The following ELMO1 variants were observed in gnomAD, a reference collection of about 807,000 sequenced individuals.
The protein encoded by ELMO1 is engulfment and cell motility protein 1.
A neutral mutation model predicts 98.9 loss-of-function variants in ELMO1; 26 were observed. That is an observed-to-expected ratio of 0.26 (90% CI 0.19 to 0.36). The LOEUF (loss-of-function observed/expected upper bound fraction) is 0.36, where lower values mean the gene tolerates loss of function less well. Ranked by LOEUF, ELMO1 falls within the 10% of genes least tolerant of loss-of-function variation. ELMO1 has a pLI of 1.00. For missense variants in ELMO1, 627 were observed against 935.2 expected (o/e 0.67, Z 4.30); for synonymous variants, 346 against 346.0 (o/e 1.00, Z 0.00).
At chr7:37,272,395 T>TG (rs1209881690) in intron 4 of ELMO1, among the ~76,000 whole-genome samples, 24 of 152,334 alleles carry the variant, frequency 1.6e-4, no homozygotes, top group Admixed American at 7.2e-4. Context: ...GGGCCAGGCG[T>TG]GGTGGCTCAC....
intron 16 of ELMO1, among the ~76,000 whole-genome samples, chr7:36,967,727 A>G (rs1006507586): frequency 6.6e-6 from 1 of 152,258 alleles, no homozygotes; most frequent in African/African-American, 2.4e-5. Context: ...TAAAAGACCC[A>G]GTGATGGAAA....
rs904019159 is a variant in ELMO1, at chr7:37,126,320, T to C, written c.1191+6810A>G. Among the ~76,000 whole-genome samples, 193 of 146,030 alleles carry C rather than the reference T, an allele frequency of 1.3e-3. 2 individuals carry two copies. Among genetic ancestry groups the C allele is most frequent in the African/African-American group, 4.5e-3 (181 of 40,332 alleles). ...ATTTAAATATATATATATATATATA[T>C]ATATATATAAAAGAAAAGAAAATAT... On this transcript the variant is annotated intron_variant, in intron 14 of 21. Coordinates refer to ENST00000310758, the MANE Select transcript of ELMO1 (RefSeq NM_014800.11).
intron 7 of ELMO1, among the ~76,000 whole-genome samples, chr7:37,239,022 T>C (rs1794619633): frequency 6.6e-6 from 1 of 152,216 alleles, no homozygotes; most frequent in Non-Finnish European, 1.5e-5. Flanking sequence ...AGAGTGATAC[T>C]GGTATCATAA....
intron 2 of ELMO1, among the ~76,000 whole-genome samples, chr7:37,341,062 A>G (rs2131253271): frequency 6.6e-6 from 1 of 152,284 alleles, no homozygotes; most frequent in Admixed American, 6.5e-5. Context: ...TACCCTGGAG[A>G]TCTTGTTAAA....
chr7:37,113,277 TC>T (rs1467792835), intron 14 of ELMO1, among the ~76,000 whole-genome samples: 1 of 152,226 alleles, frequency 6.6e-6, no homozygotes, highest in African/African-American at 2.4e-5. Flanking sequence ...CTGACTGTCT[TC>T]TGTGTGCCTG....
chr7:37,080,166 G>C (rs563229421), intron 15 of ELMO1, among the ~76,000 whole-genome samples: 1 of 152,166 alleles, frequency 6.6e-6, no homozygotes, highest in South Asian at 2.1e-4. Context: ...CATAAATCCT[G>C]AATCCAACCT....
At chr7:37,312,278 G>A (rs1466323497) in intron 4 of ELMO1, among the ~76,000 whole-genome samples, 3 of 152,170 alleles carry the variant, frequency 2.0e-5, no homozygotes, top group South Asian at 2.1e-4. Context: ...TAGTAGAGAC[G>A]TGGTTTTGCC....
intron 1 of ELMO1, among the ~76,000 whole-genome samples, chr7:37,345,597 C>T (rs1800961477): frequency 6.6e-6 from 1 of 151,890 alleles, no homozygotes; most frequent in African/African-American, 2.4e-5. Flanking sequence ...ATCGCAGCTA[C>T]TCGGGAGGCT....
At chr7:37,122,277 A>C (rs941123800) in intron 14 of ELMO1, among the ~76,000 whole-genome samples, 5 of 152,138 alleles carry the variant, frequency 3.3e-5, no homozygotes, top group East Asian at 3.9e-4. Context: ...ATCAAATTCA[A>C]ACATAACAAT....
chr7:37,157,290 A>ACT (rs1788845239), intron 13 of ELMO1, among the ~76,000 whole-genome samples: 9 of 152,342 alleles, frequency 5.9e-5, no homozygotes, highest in Admixed American at 3.3e-4. Context: ...ATTCCTATTC[A>ACT]ACATAGTGTT....
At chr7:37,097,277 T>A (rs1416609910) in intron 14 of ELMO1, among the ~76,000 whole-genome samples, 1 of 152,110 alleles carries the variant, frequency 6.6e-6, no homozygotes, top group African/African-American at 2.4e-5. Context: ...GTGATTCACG[T>A]CTGTAATCCC....
chr7:37,221,139 G>A lies in ELMO1; in HGVS notation c.780+1476C>T, dbSNP rs542324678. On this transcript the variant is annotated intron_variant, in intron 10 of 21. Transcript: ENST00000310758. ...ACTGCCCCTAGCACAGGCTTGTGGA[G>A]GGCAGGCACCTCCACCTGGCTCCAG... Among the ~76,000 whole-genome samples, 38 of 152,250 alleles carry A rather than the reference G, an allele frequency of 2.5e-4. 1 individual carries two copies. In the South Asian group the frequency reaches 7.3e-3, roughly 29 times the overall value.
In ELMO1 at chr7:36,961,848, T is replaced by C. The variant is rs369923577; in HGVS notation, c.1437+51451A>G. 1.5e-4 allele frequency among the ~76,000 whole-genome samples: 23 copies of C among 152,352 alleles called. No individual in the cohort carries two copies. The East Asian group carries it at 2.5e-3, about 17-fold the overall frequency. ...CAGTACTTTCTACCCTGACCTTTAA[T>C]GTGGCCAGGCATGTAAATAGTATTG... On this transcript the variant is annotated intron_variant, in intron 16 of 21. Coordinates refer to ENST00000310758, the MANE Select transcript of ELMO1 (RefSeq NM_014800.11).
chr7:37,221,682 A>T (rs1402839256), intron 10 of ELMO1, among the ~76,000 whole-genome samples: 1 of 151,110 alleles, frequency 6.6e-6, no homozygotes, highest in Non-Finnish European at 1.5e-5. Context: ...TATGTATATT[A>T]AGGGGTTCCT....
Position 37,068,920 on chromosome 7 carries a change from T to G in ELMO1, c.1300+27699A>C, listed in dbSNP as rs1327027067. Among the ~76,000 whole-genome samples, 3 of 152,184 alleles carry G rather than the reference T, an allele frequency of 2.0e-5. 1 individual carries two copies. The highest frequency in any genetic ancestry group is 4.1e-4 in the South Asian group (2 of 4,830). ...ATAAAGGTGGCTAATACAAAATAATTATAAAACAGCAGTTTGAATTTAAGT... is the reference window on the plus strand; with the variant it reads ...ATAAAGGTGGCTAATACAAAATAATGATAAAACAGCAGTTTGAATTTAAGT... On this transcript the variant is annotated intron_variant, in intron 15 of 21. Transcript: ENST00000310758.
In ELMO1 at chr7:37,372,561, G is replaced by A. The variant is rs950536632; in HGVS notation, c.-73-29798C>T. On this transcript the variant is annotated intron_variant, in intron 1 of 21. Transcript: ENST00000310758. ...TATCTTTTTATCCCTCCTAACTTAC[G>A]TATCTCATTTTTAAAGTTATAGCAA... 5.9e-5 allele frequency among the ~76,000 whole-genome samples: 9 copies of A among 152,038 alleles called. No homozygotes were observed. The South Asian group carries it at 6.2e-4, about 11-fold the overall frequency.
intron 13 of ELMO1, among the ~76,000 whole-genome samples, chr7:37,198,704 C>T (rs1412140812): frequency 6.6e-6 from 1 of 152,240 alleles, no homozygotes; most frequent in Non-Finnish European, 1.5e-5. Flanking sequence ...GTCACCCTTG[C>T]ACCTGCTGGA....
rs532732944 is a variant in ELMO1, at chr7:37,015,597, G to A, written c.1301-2162C>T. Reference sequence around the variant, plus strand: ...GCCTGGGCGACAAGAGCGAAACTCCGTCTCCCAAAAAACAGAAAAAAAGAA... The same window carrying A: ...GCCTGGGCGACAAGAGCGAAACTCCATCTCCCAAAAAACAGAAAAAAAGAA... On this transcript the variant is annotated intron_variant, in intron 15 of 21. Coordinates refer to ENST00000310758, the MANE Select transcript of ELMO1 (RefSeq NM_014800.11). Among the ~76,000 whole-genome samples the A allele has an allele frequency of 3.4e-4, 51 of 152,078 alleles. No individual in the cohort carries two copies. In the South Asian group the frequency reaches 9.8e-3, roughly 29 times the overall value.
rs563726649 is a variant in ELMO1, at chr7:37,042,671, G to A, written c.1301-29236C>T. Among the ~76,000 whole-genome samples, 22 of 152,292 alleles carry A rather than the reference G, an allele frequency of 1.4e-4. No individual in the cohort carries two copies. In the South Asian group the frequency reaches 1.7e-3, roughly 11 times the overall value. On this transcript the variant is annotated intron_variant, in intron 15 of 21. Coordinates refer to ENST00000310758, the MANE Select transcript of ELMO1 (RefSeq NM_014800.11). The stretch of plus-strand genomic sequence containing the variant: ...AAATCTGAGACATCCTGAACATCCT[G>A]AGAACATCGTTCTTTATGTTCTAAT...
Sources: allele counts gnomAD v4.1 joint callset (sites outside exome capture counted in the v4.1 genomes callset), GRCh38; gene constraint gnomAD v4.1.1; transcripts MANE v1.5; gene names NCBI Gene and HGNC (gene_info 2026-07-23, HGNC 2026-07-21).